Variants in APC observed in about 807,000 individuals in gnomAD.
APC encodes adenomatous polyposis coli protein.
In APC, 72 loss-of-function variants were observed where a neutral mutation model predicts 247.0. The observed-to-expected ratio is 0.29, with a 90% CI of 0.24 to 0.35. The LOEUF (loss-of-function observed/expected upper bound fraction) is 0.35. Ranked by LOEUF, APC falls within the 10% of genes least tolerant of loss-of-function variation. The probability of loss-of-function intolerance (pLI) is 1.00; values close to 1 mark genes in which losing one functional copy is unlikely to be tolerated. For missense variants in APC, 3,400 were observed against 3,360.7 expected, an observed-to-expected ratio of 1.01 and a Z score of -0.29; for synonymous variants, 1,254 against 1,162.5, an observed-to-expected ratio of 1.08 and a Z score of -1.60.
At chr5:112,726,944 G>A (rs1751817134) in intron 1 of APC, among the ~76,000 whole-genome samples, 1 of 152,030 alleles carries the variant, frequency 6.6e-6, no homozygotes, top group Non-Finnish European at 1.5e-5. Context: ...TTCTCTCTGA[G>A]AACATAATAT....
At chr5:112,801,538 C>A (rs1253329911) in intron 8 of APC, among the ~76,000 whole-genome samples, 155 bp downstream of exon 8, 1 of 152,026 alleles carries the variant, frequency 6.6e-6, no homozygotes, top group Non-Finnish European at 1.5e-5. Flanking sequence ...GCTGTCATTT[C>A]TCTTTATTAT....
At position 112,841,945 on chromosome 5, in the gene APC, AGCTGCT is replaced by A. The variant is rs587780602; in HGVS notation, c.6360_6365del (p.Ala2121_Ala2122del). The A allele has an allele frequency of 1.2e-6, 2 of 1,613,922 alleles. No individual in the cohort carries two copies. The highest frequency in any genetic ancestry group is 1.7e-5 in the Admixed American group (1 of 59,998). ...ATTCCATAGTAAGTAGTTTACATCAAGCTGCTGCTGCTGCATGTTTATCTAGACAAG... is the reference window on the plus strand; with the variant it reads ...ATTCCATAGTAAGTAGTTTACATCAAGCTGCTGCATGTTTATCTAGACAAG... On this transcript the variant is annotated inframe_deletion, in exon 16 of 16. Coordinates refer to ENST00000257430, the MANE Select transcript of APC (RefSeq NM_000038.6). The surrounding 1 kb of genome is among the most constrained non-coding windows in gnomAD (Gnocchi z 4.6).
At chr5:112,751,433 A>T (rs1302843224) in intron 1 of APC, among the ~76,000 whole-genome samples, 1 of 151,954 alleles carries the variant, frequency 6.6e-6, no homozygotes, top group East Asian at 1.9e-4. Flanking sequence ...GCTTAGGGAG[A>T]AATGGCATTT....
At position 112,845,691 on chromosome 5, in the gene APC, T is replaced by C. The variant is rs1766925478; in HGVS notation, c.*1565T>C. On this transcript the variant is annotated 3_prime_UTR_variant, in exon 16 of 16. Transcript: ENST00000257430. ...ACATGTTAAGTGTCCCCTTATACAG[T>C]GGAGGGAAGTCTTCCTTCCTGAAGG... 1 of 232,120 alleles carries C rather than the reference T, an allele frequency of 4.3e-6. No homozygotes were observed. The highest frequency in any genetic ancestry group is 8.5e-6 in the Non-Finnish European group (1 of 117,346). The allele number at this position is 232,120 out of a possible 1,614,324, so 14.4% of individuals were successfully genotyped here. A position where few individuals can be genotyped will look rare whatever the true frequency, so the allele number is the denominator to read the frequency against.
chr5:112,717,902 CTTTTTCTTTTTTTTTTTTT>C (rs1751262707), intron 1 of APC, among the ~76,000 whole-genome samples: 1 of 22,294 alleles, frequency 4.5e-5, no homozygotes, highest in East Asian at 1.3e-3. Flanking sequence ...TTTTCTTTTT[CTTTTTCTTTTTTTTTTTTT>C]TTTTTTTTTT....
At chr5:112,717,698 C>A (rs414362) in intron 1 of APC, among the ~76,000 whole-genome samples, 2 of 151,922 alleles carry the variant, frequency 1.3e-5, no homozygotes, top group South Asian at 2.1e-4. Flanking sequence ...CTTTGGCTTT[C>A]TGTTTTACTA....
At chr5:112,768,087 A>T (rs1054514280) in intron 4 of APC, among the ~76,000 whole-genome samples, 2 of 142,482 alleles carry the variant, frequency 1.4e-5, no homozygotes, top group Admixed American at 1.5e-4. Flanking sequence ...TTTGTTGCCC[A>T]GGCTGGATTG....
In APC at chr5:112,819,025, G is replaced by A. The variant is rs148343173; in HGVS notation, c.993G>A (p.Ser331=). 41 of 1,613,846 alleles carry A rather than the reference G, an allele frequency of 2.5e-5. No homozygotes were observed. Among genetic ancestry groups the A allele is most frequent in the South Asian group, 1.2e-4 (11 of 91,076 alleles). ...MLGTHDKDDM[S]RTLLAMSSSQ... is the part of the protein sequence containing the mutation. ...GTACTCATGATAAGGATGATATGTC[G>A]CGAACTTTGCTAGCTATGTCTAGCT... is the stretch of plus-strand genomic sequence containing the variant. The change falls in exon 10 of 16, where the codon TCG becomes TCA. Residue 331 remains serine (S), a synonymous_variant. Coordinates refer to ENST00000257430, the MANE Select transcript of APC (RefSeq NM_000038.6).
At chr5:112,728,370 G>T (rs1468210713) in intron 1 of APC, among the ~76,000 whole-genome samples, 1 of 152,082 alleles carries the variant, frequency 6.6e-6, no homozygotes, top group Non-Finnish European at 1.5e-5. Flanking sequence ...GACCTCAAAT[G>T]ATCCGCCCAC....
In APC at chr5:112,840,983, A is replaced by C; in HGVS notation, c.5389A>C (p.Asn1797His). 6.2e-7 allele frequency: 1 copy of C among 1,612,498 alleles called. No homozygotes were observed. The highest frequency in any genetic ancestry group is 8.5e-7 in the Non-Finnish European group (1 of 1,178,958). The change falls in exon 16 of 16, where the codon AAT becomes CAT. Residue 1797 changes from asparagine to histidine, a missense_variant. Asn to His is a moderately conservative substitution (Grantham distance 68). Around this residue, in one of 9 missense-constraint regions of APC, gnomAD observed 1,788 missense variants for 1,649.5 expected, o/e 1.08. Coordinates refer to ENST00000257430, the MANE Select transcript of APC (RefSeq NM_000038.6). This position sits in a 1 kb window ranked among gnomAD's most constrained non-coding sequence, Gnocchi z 4.1. The part of the protein sequence containing the change: ...TRVRKNADSK[N>H]NLNAERVFSD... ...TGTAAGAAAAAATGCAGACTCAAAAAATAATTTAAATGCTGAGAGAGTTTT... is the reference window on the plus strand; with the variant it reads ...TGTAAGAAAAAATGCAGACTCAAAACATAATTTAAATGCTGAGAGAGTTTT...
intron 2 of APC, among the ~76,000 whole-genome samples, chr5:112,765,848 C>T (rs1183964340): frequency 6.6e-6 from 1 of 152,126 alleles, no homozygotes; most frequent in Non-Finnish European, 1.5e-5. Context: ...AATTAGTATA[C>T]TAGCAGAATA....
chr5:112,796,691 T>A (rs942030338), intron 7 of APC, among the ~76,000 whole-genome samples: 5 of 152,128 alleles, frequency 3.3e-5, no homozygotes, highest in Non-Finnish European at 7.4e-5. Flanking sequence ...CTACTTATTA[T>A]GACCTTTTTG....
chr5:112,751,333 C>T (rs1161878135), intron 1 of APC, among the ~76,000 whole-genome samples: 1 of 152,010 alleles, frequency 6.6e-6, no homozygotes. Flanking sequence ...GCTCTTCTTT[C>T]ATATTTTCAA....
At chr5:112,755,533 C>T (rs778598673) in intron 2 of APC, among the ~76,000 whole-genome samples, 6 of 152,144 alleles carry the variant, frequency 3.9e-5, no homozygotes, top group Non-Finnish European at 7.3e-5. Flanking sequence ...GCTATATGAC[C>T]TCTGTATATT....
chr5:112,730,883 T>C (rs1427486838), intron 1 of APC, among the ~76,000 whole-genome samples: 1 of 152,158 alleles, frequency 6.6e-6, no homozygotes, highest in Non-Finnish European at 1.5e-5. Flanking sequence ...TATTAGGTTG[T>C]AGGAATTTTA....
chr5:112,715,486 G>C (rs1358141577), intron 1 of APC, among the ~76,000 whole-genome samples: 1 of 152,058 alleles, frequency 6.6e-6, no homozygotes, highest in Non-Finnish European at 1.5e-5. Context: ...TGAGTGAGGT[G>C]GCCTGTACCA....
chr5:112,797,369 A>T (rs1351129135), intron 7 of APC, among the ~76,000 whole-genome samples: 1 of 152,174 alleles, frequency 6.6e-6, no homozygotes, highest in Non-Finnish European at 1.5e-5. Context: ...GACACTTGCA[A>T]ATTAGTTCAT....
intron 6 of APC, among the ~76,000 whole-genome samples, chr5:112,781,975 C>T (rs1027870790): frequency 6.6e-6 from 1 of 152,322 alleles, no homozygotes; most frequent in Middle Eastern, 3.4e-3. Flanking sequence ...CTCAAGTGAT[C>T]CACCGGCCTC....
intron 11 of APC, among the ~76,000 whole-genome samples, chr5:112,822,232 G>A (rs960316594): frequency 5.9e-5 from 9 of 151,906 alleles, no homozygotes; most frequent in African/African-American, 1.9e-4. Flanking sequence ...TTTCAAAATC[G>A]AAGCCGGAGA....
Sources: gnomAD v4.1 joint callset for allele counts (sites outside exome capture counted in the v4.1 genomes callset) on GRCh38, gnomAD v4.1.1 for gene constraint, gnomAD v4.1.1 regional missense constraint, Gnocchi (gnomAD v3.1) non-coding constraint, MANE v1.5 for transcripts, NCBI Gene and HGNC (gene_info 2026-07-23, HGNC 2026-07-21) for gene names.